Variants in EFCAB7 observed in about 807,000 individuals in gnomAD.
The protein encoded by EFCAB7 is EF-hand calcium binding domain 7.
A neutral mutation model predicts 77.1 loss-of-function variants in EFCAB7; 66 were observed. The ratio of observed to expected loss-of-function variants is 0.86; its 90% CI spans 0.70 to 1.05. The LOEUF (loss-of-function observed/expected upper bound fraction) is 1.05, where lower values mean the gene tolerates loss of function less well. Ranked by LOEUF, EFCAB7 falls within the 50% of genes least tolerant of loss-of-function variation. EFCAB7 has a pLI of 0.00. For missense variants in EFCAB7, 638 were observed against 730.5 expected, an observed-to-expected ratio of 0.87 and a Z score of 1.46; for synonymous variants, 225 against 243.3, an observed-to-expected ratio of 0.92 and a Z score of 0.70.
Position 63,557,066 on chromosome 1 carries a change from G to A in EFCAB7, c.1215-48G>A, listed in dbSNP as rs112194318. ...AAAAAAAAAAAAACCCTTCTTCAGCGTAGTTGCCTTAGTGACAAGAAATAA... is the reference window on the plus strand; with the variant it reads ...AAAAAAAAAAAAACCCTTCTTCAGCATAGTTGCCTTAGTGACAAGAAATAA... On this transcript the variant is annotated intron_variant, in intron 9 of 13. Coordinates refer to ENST00000371088, the MANE Select transcript of EFCAB7 (RefSeq NM_032437.4). The A allele has an allele frequency of 3.4e-3, 4,814 of 1,423,382 alleles. 149 individuals are homozygous for A. The African/African-American group carries it at 0.063, about 19-fold the overall frequency. 88.2% of individuals were successfully genotyped at this position (1,423,382 alleles called of 1,614,324 possible).
At chr1:63,565,537 G>T (rs1414075847) in intron 11 of EFCAB7, among the ~76,000 whole-genome samples, 3 of 152,092 alleles carry the variant, frequency 2.0e-5, no homozygotes, top group African/African-American at 7.2e-5. Flanking sequence ...TGATAAATGG[G>T]ATCTAATTAA....
intron 11 of EFCAB7, among the ~76,000 whole-genome samples, chr1:63,562,308 G>T (rs1473889821): frequency 6.6e-6 from 1 of 151,112 alleles, no homozygotes; most frequent in Non-Finnish European, 1.5e-5. Context: ...TGGAACAGTG[G>T]CTGGCTCATA....
chr1:63,557,268 T>G (rs1647043598), intron 10 of EFCAB7, 21 bp downstream of exon 10: 1 of 1,578,354 alleles, frequency 6.3e-7, no homozygotes, highest in South Asian at 1.2e-5. Context: ...TTCTTTTCCT[T>G]AACAGATGTA....
chr1:63,577,081 A>T (rs1181189778), downstream of EFCAB7, among the ~76,000 whole-genome samples: 1 of 150,732 alleles, frequency 6.6e-6, no homozygotes, highest in Non-Finnish European at 1.5e-5. Flanking sequence ...CAGGAGGCTG[A>T]GGTTGCAGTG....
At position 63,554,429 on chromosome 1, in the gene EFCAB7, C is replaced by A. The variant is rs1416656425; in HGVS notation, c.1057-929C>A. On this transcript the variant is annotated intron_variant, in intron 8 of 13. Coordinates refer to ENST00000371088, the MANE Select transcript of EFCAB7 (RefSeq NM_032437.4). ...GATCTCAGCTCCCTGCAACCTCCAC[C>A]TCCGGGTTCAAGTGATTCTCCTGCC... 4.6e-5 allele frequency among the ~76,000 whole-genome samples: 7 copies of A among 152,238 alleles called. No individual in the cohort carries two copies. In the East Asian group the frequency reaches 1.4e-3, roughly 29 times the overall value.
At chr1:63,580,212 T>A in the EFCAB7 span, among the ~76,000 whole-genome samples, 1,646 of 152,332 alleles carry the variant, frequency 0.011, 27 homozygotes, top group African/African-American at 0.038. Flanking sequence ...TACATTTATA[T>A]GTGTGATGCA....
chr1:63,531,286 G>A (rs1014161590), intron 2 of EFCAB7, among the ~76,000 whole-genome samples: 1 of 151,098 alleles, frequency 6.6e-6, no homozygotes, highest in Non-Finnish European at 1.5e-5. Flanking sequence ...CGCTGTATTT[G>A]TCTTCAGCGT....
chr1:63,560,861 C>T (rs2100918271), intron 10 of EFCAB7, among the ~76,000 whole-genome samples: 1 of 152,246 alleles, frequency 6.6e-6, no homozygotes, highest in South Asian at 2.1e-4. Flanking sequence ...ACCGGTTTTA[C>T]ACAGTTATGT....
the EFCAB7 span, among the ~76,000 whole-genome samples, chr1:63,583,060 TA>T: frequency 6.6e-6 from 1 of 152,146 alleles, no homozygotes; most frequent in Admixed American, 6.5e-5. Context: ...TCTCAGATAC[TA>T]TTAAGAAAAT....
intron 9 of EFCAB7, 95 bp downstream of exon 9, chr1:63,555,610 C>A: frequency 1.9e-6 from 2 of 1,035,634 alleles, no homozygotes; most frequent in South Asian, 2.2e-5. Flanking sequence ...CCACCCCCAT[C>A]CTCAGATTCT....
downstream of EFCAB7, among the ~76,000 whole-genome samples, chr1:63,573,869 T>TG (rs34302289): frequency 0.25 from 38,688 of 151,940 alleles, 6,560 homozygotes; most frequent in African/African-American, 0.49. Flanking sequence ...TGGTGAGGTG[T>TG]TTTTTAAAAG....
chr1:63,525,492 C>T, intron 1 of EFCAB7, 80 bp from the exon 2 acceptor site: 4 of 1,132,818 alleles, frequency 3.5e-6, no homozygotes, highest in South Asian at 2.3e-5. Flanking sequence ...GATTCTCCTC[C>T]CTGTATTTGA....
intron 12 of EFCAB7, chr1:63,568,746 T>C (rs936259882): frequency 3.3e-5 from 13 of 397,652 alleles, no homozygotes; most frequent in Non-Finnish European, 4.5e-5. Flanking sequence ...ATTAGGAAAA[T>C]TAAACATTTG....
chr1:63,567,419 C>A (rs1647183069), intron 11 of EFCAB7, among the ~76,000 whole-genome samples: 1 of 151,886 alleles, frequency 6.6e-6, no homozygotes, highest in African/African-American at 2.4e-5. Context: ...CCCAACTGCA[C>A]TCCAGCCTGG....
At chr1:63,571,661 A>C (rs1647262162) in intron 13 of EFCAB7, among the ~76,000 whole-genome samples, 2 of 125,994 alleles carry the variant, frequency 1.6e-5, no homozygotes, top group Admixed American at 8.7e-5. Flanking sequence ...CAAGAGTGAG[A>C]CTCTGTCTCA....
chr1:63,564,856 G>A (rs1046612122), intron 11 of EFCAB7, among the ~76,000 whole-genome samples: 3 of 152,220 alleles, frequency 2.0e-5, no homozygotes, highest in Middle Eastern at 3.4e-3. Flanking sequence ...ACTGGTACAA[G>A]AACAAACATA....
At position 63,525,772 on chromosome 1, in the gene EFCAB7, A is replaced by G. The variant is rs1646578420; in HGVS notation, c.187+13A>G. On this transcript the variant is annotated intron_variant, in intron 2 of 13. Transcript: ENST00000371088. ...CAACTTTACTTAGGTAAATTTTTAA[A>G]ATTTTTAAATCTTTCACCTTTTTGT... 5 of 1,517,686 alleles carry G rather than the reference A, an allele frequency of 3.3e-6. No individual in the cohort carries two copies. The highest frequency in any genetic ancestry group is 1.4e-5 in the African/African-American group (1 of 69,590). 94.0% of individuals were successfully genotyped at this position (1,517,686 alleles called of 1,614,324 possible).
intron 11 of EFCAB7, 107 bp from the exon 12 acceptor site, chr1:63,568,203 A>G: frequency 1.0e-6 from 1 of 958,100 alleles, no homozygotes. Context: ...AAAGTTTATT[A>G]GAAGGACAAG....
the EFCAB7 span, among the ~76,000 whole-genome samples, chr1:63,579,260 A>C: frequency 2.6e-5 from 4 of 152,192 alleles, no homozygotes; most frequent in African/African-American, 9.7e-5. Flanking sequence ...GGAAACCACT[A>C]TTCTATTCTC....
Sources: gnomAD v4.1 joint callset for allele counts (sites outside exome capture counted in the v4.1 genomes callset) on GRCh38, gnomAD v4.1.1 for gene constraint, MANE v1.5 for transcripts, NCBI Gene and HGNC (gene_info 2026-07-23, HGNC 2026-07-21) for gene names.